The following DSCAM variants were observed in gnomAD, a reference collection of about 807,000 sequenced individuals.
DSCAM encodes DS cell adhesion molecule, also known as cell adhesion molecule DSCAM.
In DSCAM, 47 loss-of-function variants were observed where a neutral mutation model predicts 217.7. The observed-to-expected ratio is 0.22, with a 90% confidence interval of 0.17 to 0.28. The LOEUF (loss-of-function observed/expected upper bound fraction) is 0.28, where lower values mean the gene tolerates loss of function less well. Among genes scored for constraint, DSCAM ranks in the 10% least tolerant of loss-of-function variants. The probability of loss-of-function intolerance (pLI) is 1.00; values close to 1 mark genes in which losing one functional copy is unlikely to be tolerated. For missense variants in DSCAM, 2,080 were observed against 2,618.3 expected, an observed-to-expected ratio of 0.79 and a Z score of 4.49; for synonymous variants, 1,056 against 1,015.3, an observed-to-expected ratio of 1.04 and a Z score of -0.76.
At chr21:40,773,886 T>TA (rs1314088282) in intron 1 of DSCAM, among the ~76,000 whole-genome samples, 3 of 152,310 alleles carry the variant, frequency 2.0e-5, no homozygotes, top group Non-Finnish European at 4.4e-5. Flanking sequence ...TGTCAGCTGT[T>TA]TGAAGCAACT....
chr21:40,239,576 G>T (rs2073121473), intron 11 of DSCAM, among the ~76,000 whole-genome samples: 1 of 152,198 alleles, frequency 6.6e-6, no homozygotes, highest in African/African-American at 2.4e-5. Context: ...GATCATCTGG[G>T]TTAGGAAGTT....
In DSCAM at chr21:40,517,404, A is replaced by AACACACACACACACACACACACACAC. The variant is rs3070750; in HGVS notation, c.509-148185_509-148160dup. 2.1e-5 allele frequency among the ~76,000 whole-genome samples: 3 copies of AACACACACACACACACACACACACAC among 144,680 alleles called. 1 individual carries two copies. In the South Asian group the frequency reaches 6.8e-4, roughly 33 times the overall value. The allele number at this position is 144,680 out of a possible 152,430, so 94.9% of individuals were successfully genotyped here. On this transcript the variant is annotated intron_variant, in intron 3 of 32. Transcript: ENST00000400454. ...CACACATCTATACACACACACAAGC[A>AACACACACACACACACACACACACAC]ACACACACACACACACACACACACA... is the stretch of plus-strand genomic sequence containing the variant.
rs148524540 is a variant in DSCAM, at chr21:40,644,713, G to C, written c.508+48097C>G. Reference sequence around the variant, plus strand: ...TGCTTGAGCCTGCTCCCACTCTGTAGAGTGTACTTTCACTTCAGTAAAGCT... The same window carrying C: ...TGCTTGAGCCTGCTCCCACTCTGTACAGTGTACTTTCACTTCAGTAAAGCT... On this transcript the variant is annotated intron_variant, in intron 3 of 32. Coordinates refer to ENST00000400454, the MANE Select transcript of DSCAM (RefSeq NM_001389.5). 5.2e-3 allele frequency among the ~76,000 whole-genome samples: 786 copies of C among 152,328 alleles called. 5 individuals carry two copies. The highest frequency in any genetic ancestry group is 0.018 in the African/African-American group (734 of 41,588).
rs1396524441 is a variant in DSCAM at position 40,381,077 on chromosome 21, A to AAG, written c.509-11833_509-11832insCT. ...GACTCCGTCTCAAAAAAAAAAAAAA[A>AAG]AAAAAAAGAAAATAGAACTGATAGG... On this transcript the variant is annotated intron_variant, in intron 3 of 32. Coordinates refer to ENST00000400454, the MANE Select transcript of DSCAM (RefSeq NM_001389.5). Among the ~76,000 whole-genome samples, 70 of 138,584 alleles carry AAG rather than the reference A, an allele frequency of 5.1e-4. 2 individuals are homozygous for AAG. Among genetic ancestry groups the AAG allele is most frequent in the Non-Finnish European group, 9.6e-4 (62 of 64,830 alleles). The allele number at this position is 138,584 out of a possible 152,430, so 90.9% of individuals were successfully genotyped here.
chr21:40,823,443 C>A (rs975095955), intron 1 of DSCAM, among the ~76,000 whole-genome samples: 1 of 152,032 alleles, frequency 6.6e-6, no homozygotes, highest in Non-Finnish European at 1.5e-5. Context: ...AAACTCACAA[C>A]GTGGAACACA....
intron 4 of DSCAM, among the ~76,000 whole-genome samples, chr21:40,366,339 T>C (rs186444916): frequency 1.4e-3 from 206 of 152,250 alleles, no homozygotes; most frequent in Non-Finnish European, 2.5e-3. Flanking sequence ...ATTTGTCTTA[T>C]TCCTTAATAT....
intron 3 of DSCAM, among the ~76,000 whole-genome samples, chr21:40,631,249 G>A (rs1279707876): frequency 6.6e-6 from 1 of 152,102 alleles, no homozygotes; most frequent in East Asian, 1.9e-4. Flanking sequence ...TCTGCCCCAT[G>A]TCATTTGTCT....
In DSCAM at chr21:40,498,761, GTATATATATATATGGGTGTGTA is replaced by G. The variant is rs1568855218; in HGVS notation, c.509-129538_509-129517del. Among the ~76,000 whole-genome samples the G allele has an allele frequency of 6.0e-3, 176 of 29,510 alleles. 7 individuals carry two copies. Among genetic ancestry groups the G allele is most frequent in the African/African-American group, 0.026 (168 of 6,496 alleles). The allele number at this position is 29,510 out of a possible 152,430, so 19.4% of individuals were successfully genotyped here. On this transcript the variant is annotated intron_variant, in intron 3 of 32. Transcript: ENST00000400454. The stretch of plus-strand genomic sequence containing the variant: ...TATATATATATATATATATATGGGT[GTATATATATATATGGGTGTGTA>G]TATATATATATATATATATATATAT...
At chr21:40,769,328 A>C (rs1448139956) in intron 1 of DSCAM, among the ~76,000 whole-genome samples, 2 of 152,178 alleles carry the variant, frequency 1.3e-5, no homozygotes, top group Non-Finnish European at 2.9e-5. Flanking sequence ...GGAATGTGGG[A>C]GCTCTGGTCA....
chr21:40,137,628 CACACACACACACACACAT>C (rs1397157055), intron 18 of DSCAM, among the ~76,000 whole-genome samples: 1 of 136,702 alleles, frequency 7.3e-6, no homozygotes, highest in African/African-American at 2.8e-5. Flanking sequence ...CACACACACA[CACACACACACACACACAT>C]TAACTGAAGT....
intron 15 of DSCAM, among the ~76,000 whole-genome samples, chr21:40,175,947 T>C (rs2090724853): frequency 1.3e-5 from 2 of 151,698 alleles, no homozygotes; most frequent in Admixed American, 6.6e-5. Context: ...GGGACAGAAT[T>C]GTAAGCACAT....
intron 3 of DSCAM, among the ~76,000 whole-genome samples, chr21:40,419,439 G>T (rs570198055): frequency 6.6e-6 from 1 of 152,256 alleles, no homozygotes; most frequent in South Asian, 2.1e-4. Context: ...TTTTCTAACT[G>T]TGCAGGCTGG....
At chr21:40,300,353 G>C (rs182281962) in intron 9 of DSCAM, among the ~76,000 whole-genome samples, 3 of 152,176 alleles carry the variant, frequency 2.0e-5, no homozygotes, top group African/African-American at 7.2e-5. Context: ...ATCAGGTGCT[G>C]ATGATTATTT....
intron 1 of DSCAM, among the ~76,000 whole-genome samples, chr21:40,782,007 A>AAG (rs1555888315): frequency 1.5e-4 from 22 of 149,888 alleles, no homozygotes; most frequent in African/African-American, 4.9e-4. Flanking sequence ...AAAAAAAAAA[A>AAG]AAAGAAAAAA....
At chr21:40,375,784 C>T (rs2074944178) in intron 3 of DSCAM, among the ~76,000 whole-genome samples, 1 of 152,160 alleles carries the variant, frequency 6.6e-6, no homozygotes, top group Non-Finnish European at 1.5e-5. Context: ...TCTATTATTG[C>T]TTGTATTCAA....
Position 40,338,067 on chromosome 21 carries a change from T to A in DSCAM, c.1783+34A>T, listed in dbSNP as rs747620532. 2.2e-5 allele frequency: 36 copies of A among 1,605,006 alleles called. 1 individual carries two copies. Among genetic ancestry groups the A allele is most frequent in the Non-Finnish European group, 3.0e-5 (35 of 1,174,856 alleles). ...TCTGGGAAGTAGTCGGGCTATGGAA[T>A]GAGTTGTGTGGGAACCAGGAGAACA... On this transcript the variant is annotated intron_variant, in intron 8 of 32. Transcript: ENST00000400454.
At chr21:40,248,217 TC>T (rs1282715081) in intron 11 of DSCAM, among the ~76,000 whole-genome samples, 2 of 152,212 alleles carry the variant, frequency 1.3e-5, no homozygotes, top group African/African-American at 4.8e-5. Context: ...GGAGACATTT[TC>T]CCCATTATCC....
At chr21:40,345,610 T>C (rs113156785) in intron 6 of DSCAM, among the ~76,000 whole-genome samples, 9,113 of 152,296 alleles carry the variant, frequency 0.06, 504 homozygotes, top group African/African-American at 0.15. Context: ...TATTCTCAGA[T>C]TCTCCATTGT....
At chr21:40,118,373 G>A (rs1308401668) in intron 20 of DSCAM, among the ~76,000 whole-genome samples, 1 of 152,134 alleles carries the variant, frequency 6.6e-6, no homozygotes, top group Non-Finnish European at 1.5e-5. Context: ...ATCACTTGAG[G>A]TCAGAAGTTT....
Sources: gnomAD v4.1 joint callset for allele counts (sites outside exome capture counted in the v4.1 genomes callset) on GRCh38, gnomAD v4.1.1 for gene constraint, MANE v1.5 for transcripts, NCBI Gene and HGNC (gene_info 2026-07-23, HGNC 2026-07-21) for gene names.